Variants in ATXN1 observed in about 807,000 individuals in gnomAD.
ATXN1 encodes the protein ataxin-1.
Under a neutral mutation model 56.4 loss-of-function variants are expected in ATXN1, and 8 were observed. That is an observed-to-expected ratio of 0.14 (90% CI 0.08 to 0.26). ATXN1 has a LOEUF of 0.26. Among genes scored for constraint, ATXN1 ranks in the 10% least tolerant of loss-of-function variants. The pLI, the probability that ATXN1 is intolerant of heterozygous loss-of-function variation, is 1.00. For synonymous variants in ATXN1, 514 were observed against 494.6 expected, an observed-to-expected ratio of 1.04 and a Z score of -0.52; for missense variants, 987 against 1,106.5, an observed-to-expected ratio of 0.89 and a Z score of 1.53.
chr6:16,537,465 G>A (rs899502828), intron 4 of ATXN1, among the ~76,000 whole-genome samples: 1 of 152,080 alleles, frequency 6.6e-6, no homozygotes, highest in Non-Finnish European at 1.5e-5. Flanking sequence ...AGCACTTTGG[G>A]AGGCTGGGGC....
chr6:16,388,308 AG>A (rs1397414067), intron 6 of ATXN1, among the ~76,000 whole-genome samples: 7 of 152,232 alleles, frequency 4.6e-5, no homozygotes, highest in Non-Finnish European at 1.0e-4. Flanking sequence ...CCTTCTTGAC[AG>A]GATCTCTGCT....
intron 6 of ATXN1, among the ~76,000 whole-genome samples, chr6:16,366,832 C>T (rs1761931594): frequency 6.6e-6 from 1 of 151,060 alleles, no homozygotes; most frequent in East Asian, 1.9e-4. Context: ...TCTAATCAAC[C>T]CACATGTTAC....
intron 3 of ATXN1, among the ~76,000 whole-genome samples, chr6:16,599,125 G>C (rs948023637): frequency 1.3e-5 from 2 of 152,160 alleles, no homozygotes; most frequent in African/African-American, 2.4e-5. Flanking sequence ...GACACCCAAT[G>C]GTGTCACCAA....
chr6:16,653,981 G>A (rs984004010), intron 3 of ATXN1, among the ~76,000 whole-genome samples: 1 of 152,192 alleles, frequency 6.6e-6, no homozygotes, highest in African/African-American at 2.4e-5. Context: ...TAACTAAGGT[G>A]AGTTTCCTGG....
At chr6:16,632,954 G>A (rs547751943) in intron 3 of ATXN1, among the ~76,000 whole-genome samples, 3 of 150,498 alleles carry the variant, frequency 2.0e-5, no homozygotes, top group African/African-American at 4.9e-5. Context: ...CCAAGATCAC[G>A]TCATTGCTCT....
At chr6:16,445,272 G>A (rs1366862198) in intron 6 of ATXN1, among the ~76,000 whole-genome samples, 1 of 152,130 alleles carries the variant, frequency 6.6e-6, no homozygotes, top group African/African-American at 2.4e-5. Flanking sequence ...TTGTGTATGA[G>A]AAGAAGAATC....
intron 3 of ATXN1, among the ~76,000 whole-genome samples, chr6:16,639,140 A>G (rs1343937122): frequency 6.6e-6 from 1 of 152,232 alleles, no homozygotes; most frequent in Non-Finnish European, 1.5e-5. Context: ...TCAGCAGGAC[A>G]TGGGCAGGGA....
chr6:16,418,655 C>A (rs904507076), intron 6 of ATXN1, among the ~76,000 whole-genome samples: 2 of 150,050 alleles, frequency 1.3e-5, no homozygotes, highest in Admixed American at 6.6e-5. Context: ...TGTGCTGCAC[C>A]CATTAACTCG....
chr6:16,520,060 G>T (rs1396504571), intron 5 of ATXN1, among the ~76,000 whole-genome samples: 1 of 152,182 alleles, frequency 6.6e-6, no homozygotes, highest in Non-Finnish European at 1.5e-5. Context: ...TGGAACCAAT[G>T]CATGTCATTG....
intron 4 of ATXN1, among the ~76,000 whole-genome samples, chr6:16,573,051 C>G (rs945611870): frequency 3.9e-5 from 6 of 152,186 alleles, no homozygotes; most frequent in African/African-American, 1.4e-4. Context: ...CTGCTAGGAA[C>G]AGAGTAGGGC....
intron 4 of ATXN1, among the ~76,000 whole-genome samples, chr6:16,529,647 T>C (rs559090131): frequency 1.3e-5 from 2 of 152,314 alleles, no homozygotes; most frequent in South Asian, 4.1e-4. Context: ...ATCCAACTTT[T>C]TTCATTTATT....
chr6:16,406,660 C>T (rs1002791066), intron 6 of ATXN1, among the ~76,000 whole-genome samples: 6 of 152,204 alleles, frequency 3.9e-5, no homozygotes, highest in Non-Finnish European at 8.8e-5. Flanking sequence ...TAAATATTTA[C>T]CCTAGCATGC....
At chr6:16,318,983 G>C (rs892367703) in intron 7 of ATXN1, among the ~76,000 whole-genome samples, 1 of 152,162 alleles carries the variant, frequency 6.6e-6, no homozygotes. Context: ...TTGGGGGCCT[G>C]AGGCGGGAGG....
chr6:16,325,448 G>A (rs940080700), intron 7 of ATXN1, among the ~76,000 whole-genome samples: 21 of 152,064 alleles, frequency 1.4e-4, no homozygotes, highest in Admixed American at 1.3e-3. Flanking sequence ...CCCAGCACCA[G>A]CAGCCAGACA....
intron 6 of ATXN1, among the ~76,000 whole-genome samples, chr6:16,357,911 A>G (rs1761724161): frequency 6.6e-6 from 1 of 152,214 alleles, no homozygotes; most frequent in South Asian, 2.1e-4. Flanking sequence ...AAAGATAGTA[A>G]GACCCATTTA....
chr6:16,598,515 C>T (rs1305864244), intron 3 of ATXN1, among the ~76,000 whole-genome samples: 1 of 152,196 alleles, frequency 6.6e-6, no homozygotes, highest in African/African-American at 2.4e-5. Context: ...CCCTCAAGTT[C>T]ATCCGCTGTA....
intron 3 of ATXN1, among the ~76,000 whole-genome samples, chr6:16,600,123 G>A (rs1363695953): frequency 6.6e-6 from 1 of 152,180 alleles, no homozygotes; most frequent in African/African-American, 2.4e-5. Context: ...CATTGTATAT[G>A]TATCTGTGGT....
At chr6:16,592,650 A>G (rs776492096) in intron 3 of ATXN1, among the ~76,000 whole-genome samples, 14 of 152,150 alleles carry the variant, frequency 9.2e-5, no homozygotes, top group Non-Finnish European at 1.8e-4. Context: ...CACGTCTCCT[A>G]GCTGATTCTG....
chr6:16,676,094 CCCAAATAAGGCT>C (rs1758655234), intron 2 of ATXN1, among the ~76,000 whole-genome samples: 1 of 151,978 alleles, frequency 6.6e-6, no homozygotes, highest in Non-Finnish European at 1.5e-5. Context: ...AATCTGGCTA[CCCAAATAAGGCT>C]ACTAATGCTC....
Sources: gnomAD v4.1 joint callset for allele counts (sites outside exome capture counted in the v4.1 genomes callset) on GRCh38, gnomAD v4.1.1 for gene constraint, MANE v1.5 for transcripts, NCBI Gene and HGNC (gene_info 2026-07-23, HGNC 2026-07-21) for gene names.